The following VRTN variants were observed in gnomAD, a reference collection of about 807,000 sequenced individuals.
The protein encoded by VRTN is vertebrae development associated.
A neutral mutation model predicts 18.2 loss-of-function variants in VRTN; 5 were observed. The observed-to-expected ratio is 0.27, with a 90% CI of 0.14 to 0.58. The LOEUF (loss-of-function observed/expected upper bound fraction) is 0.58, where lower values mean the gene tolerates loss of function less well. VRTN is among the 20% of genes least tolerant of loss of function. The pLI is 0.91. For synonymous variants in VRTN, 381 were observed against 393.7 expected, an observed-to-expected ratio of 0.97 and a Z score of 0.38; for missense variants, 741 against 939.4, an observed-to-expected ratio of 0.79 and a Z score of 2.76.
At chr14:74,350,399 G>C (rs765678735) in intron 1 of VRTN, among the ~76,000 whole-genome samples, 2 of 152,150 alleles carry the variant, frequency 1.3e-5, no homozygotes, top group Admixed American at 6.6e-5. Context: ...GGGACGAGGA[G>C]GGTGGGGACA....
rs562429031 is a variant in VRTN, at chr14:74,330,326, T to C, written c.-163-7397T>C. On this transcript the variant is annotated intron_variant, in intron 1 of 2. Transcript: ENST00000557177. Reference sequence around the variant, plus strand: ...TTCTACATGAAAACTAAACAGATACTACTTGCCCTGCTCTTTCTGGGGAAA... The same window carrying C: ...TTCTACATGAAAACTAAACAGATACCACTTGCCCTGCTCTTTCTGGGGAAA... Among the ~76,000 whole-genome samples, 8 of 152,294 alleles carry C rather than the reference T, an allele frequency of 5.3e-5. No individual in the cohort carries two copies. The South Asian group carries it at 1.7e-3, about 32-fold the overall frequency.
At chr14:74,332,563 G>C (rs866147162) in intron 1 of VRTN, among the ~76,000 whole-genome samples, 1 of 151,410 alleles carries the variant, frequency 6.6e-6, no homozygotes, top group Non-Finnish European at 1.5e-5. Flanking sequence ...CTCCATGTTG[G>C]TCAGGCTGGT....
In VRTN at chr14:74,357,103, G is replaced by T. The variant is rs751482439; in HGVS notation, c.320G>T (p.Arg107Leu). Residue 107 changes from arginine to leucine, a missense_variant, in exon 2 of 2, where the codon CGC becomes CTC. Arg to Leu is a moderately radical substitution (Grantham distance 102). Around this residue, in one of 3 missense-constraint regions of VRTN, gnomAD observed 186 missense variants for 288.3 expected, o/e 0.65. Transcript: ENST00000256362. The surrounding 1 kb of genome is among the most constrained non-coding windows in gnomAD (Gnocchi z 7.8). Reference protein sequence around the residue: ...DAGLSLELRARTVVEMLLHRH... With the variant: ...DAGLSLELRALTVVEMLLHRH... ...GGCCTCAGCCTGGAGCTGCGGGCCC[G>T]CACCGTGGTAGAGATGCTGCTGCAC... 14 of 1,603,136 alleles carry T rather than the reference G, an allele frequency of 8.7e-6. No homozygotes were observed. Among genetic ancestry groups the T allele is most frequent in the Non-Finnish European group, 1.2e-5 (14 of 1,177,040 alleles).
chr14:74,333,708 C>T lies in VRTN; in HGVS notation c.-163-4015C>T, dbSNP rs1276182639. ...TACAAAAATTAGCCAGGCATGGTGG[C>T]GCATGCCTGTAATTCCTGCTACTCT... On this transcript the variant is annotated intron_variant, in intron 1 of 2. Transcript: ENST00000557177. Among the ~76,000 whole-genome samples the T allele has an allele frequency of 5.3e-5, 8 of 150,928 alleles. No homozygotes were observed. In the South Asian group the frequency reaches 8.4e-4, roughly 16 times the overall value.
chr14:74,304,874 A>G (rs1188609848), intron 1 of VRTN, among the ~76,000 whole-genome samples: 5 of 152,200 alleles, frequency 3.3e-5, no homozygotes, highest in Non-Finnish European at 7.3e-5. Context: ...AATTTTTGAA[A>G]AATTAATAAG....
At chr14:74,318,049 T>G (rs1307725360) in intron 1 of VRTN, among the ~76,000 whole-genome samples, 3 of 151,764 alleles carry the variant, frequency 2.0e-5, no homozygotes. Context: ...AGCCCAGGAG[T>G]TCAAGGCTGC....
At chr14:74,325,181 C>T (rs963053749) in intron 1 of VRTN, among the ~76,000 whole-genome samples, 15 of 151,888 alleles carry the variant, frequency 9.9e-5, no homozygotes, top group Non-Finnish European at 1.8e-4. Context: ...CAGTGCAGAC[C>T]CCAAAATGCT....
chr14:74,338,636 C>G (rs1177872918), intron 2 of VRTN, among the ~76,000 whole-genome samples: 3 of 152,196 alleles, frequency 2.0e-5, no homozygotes, highest in Admixed American at 1.3e-4. Context: ...CTCACTGAAG[C>G]CTCAAACTCC....
intron 1 of VRTN, among the ~76,000 whole-genome samples, chr14:74,354,873 G>A (rs990301806): frequency 5.8e-4 from 88 of 151,882 alleles, no homozygotes; most frequent in African/African-American, 1.9e-3. Context: ...TGGGCGTGAC[G>A]GCTCACACCT....
intron 1 of VRTN, among the ~76,000 whole-genome samples, chr14:74,303,735 C>G (rs1031326384): frequency 6.6e-6 from 1 of 151,640 alleles, no homozygotes; most frequent in African/African-American, 2.4e-5. Flanking sequence ...TTCCTCCAAT[C>G]CTTATTAAGT....
At position 74,306,574 on chromosome 14, in the gene VRTN, T is replaced by TTGTGTG. The variant is rs148393692; in HGVS notation, c.-164+3416_-164+3421dup. ...CCTATACTGTTCTAGTGTAGTTGGT[T>TTGTGTG]TGTGTGTGTGTGTGTGTGTGTGTCT... is the stretch of plus-strand genomic sequence containing the variant. On this transcript the variant is annotated intron_variant, in intron 1 of 2. Coordinates refer to the VRTN transcript ENST00000557177. 515 of 147,962 alleles carry TTGTGTG rather than the reference T, an allele frequency of 3.5e-3. 2 individuals carry two copies. Among genetic ancestry groups the TTGTGTG allele is most frequent in the African/African-American group, 0.012 (503 of 40,370 alleles). 9.2% of individuals were successfully genotyped at this position (147,962 alleles called of 1,614,324 possible). A position where few individuals can be genotyped will look rare whatever the true frequency, so the allele number is the denominator to read the frequency against.
At chr14:74,356,200 T>A (rs1333407184) in intron 1 of VRTN, among the ~76,000 whole-genome samples, 3 of 152,042 alleles carry the variant, frequency 2.0e-5, no homozygotes, top group African/African-American at 7.2e-5. Context: ...TTTTTTCCCT[T>A]TTGGAGACAG....
At chr14:74,344,271 G>A (rs1367185967), upstream of VRTN, among the ~76,000 whole-genome samples, 2 of 13,868 alleles carry the variant, frequency 1.4e-4, no homozygotes, top group South Asian at 3.4e-3. Context: ...AAATTAGCCA[G>A]ATATGGTGGT....
At chr14:74,306,156 A>ATTTTTTTTTTTTTTTTTTTTTT (rs1567036588) in intron 1 of VRTN, 1 of 73,420 alleles carries the variant, frequency 1.4e-5, no homozygotes, top group Non-Finnish European at 2.5e-5. Flanking sequence ...ATATATATAT[A>ATTTTTTTTTTTTTTTTTTTTTT]TATATATATA....
intron 1 of VRTN, among the ~76,000 whole-genome samples, chr14:74,350,123 T>A (rs2085674436): frequency 6.6e-6 from 1 of 152,198 alleles, no homozygotes; most frequent in South Asian, 2.1e-4. Flanking sequence ...CCAAAAAGAC[T>A]GTTGCACCTG....
At chr14:74,324,127 G>C (rs989619253) in intron 1 of VRTN, among the ~76,000 whole-genome samples, 1 of 151,804 alleles carries the variant, frequency 6.6e-6, no homozygotes, top group Non-Finnish European at 1.5e-5. Context: ...GGTGACTCAC[G>C]CCTGTAATCC....
At chr14:74,341,798 C>T (rs953487476) in intron 2 of VRTN, among the ~76,000 whole-genome samples, 2 of 152,078 alleles carry the variant, frequency 1.3e-5, no homozygotes, top group South Asian at 2.1e-4. Flanking sequence ...GGATTACAGG[C>T]GTGAGCCACC....
intron 1 of VRTN, among the ~76,000 whole-genome samples, chr14:74,314,707 A>G (rs1391002095): frequency 6.6e-6 from 1 of 151,992 alleles, no homozygotes; most frequent in African/African-American, 2.4e-5. Context: ...CCAGCCAAAA[A>G]CTGTTCATTT....
At chr14:74,341,107 T>C (rs931857286) in intron 2 of VRTN, among the ~76,000 whole-genome samples, 1 of 152,206 alleles carries the variant, frequency 6.6e-6, no homozygotes, top group African/African-American at 2.4e-5. Flanking sequence ...ATGGATGAAT[T>C]CTTTAAATCT....
Sources: allele counts gnomAD v4.1 joint callset (sites outside exome capture counted in the v4.1 genomes callset), GRCh38; gene constraint gnomAD v4.1.1; regional missense constraint gnomAD v4.1.1; non-coding constraint Gnocchi (gnomAD v3.1); transcripts MANE v1.5; gene names NCBI Gene and HGNC (gene_info 2026-07-23, HGNC 2026-07-21).